ZNF347: variants seen among roughly 807,000 people sequenced by gnomAD.
ZNF347 encodes zinc finger protein 347, also known as CTD-2620I22.7.
In ZNF347, 19 loss-of-function variants were observed where a neutral mutation model predicts 12.9. That is an observed-to-expected ratio of 1.47 (90% CI 1.03 to 2.16). The LOEUF is 2.16. Ranked by LOEUF, ZNF347 falls within the 30% of genes most tolerant of loss-of-function variation. The probability of loss-of-function intolerance (pLI) is 0.00; values close to 1 mark genes in which losing one functional copy is unlikely to be tolerated. For synonymous variants in ZNF347, 328 were observed against 340.6 expected (o/e 0.96, Z 0.41); for missense variants, 1,005 against 990.6 (o/e 1.01, Z -0.19).
In ZNF347 at chr19:53,136,077, A is replaced by C. The variant is rs1020564624; in HGVS notation, c.*4231T>G. On this transcript the variant is annotated 3_prime_UTR_variant, in exon 5 of 5. Transcript: ENST00000334197. ...TAATATCTTGGGGACTCTCTTATTA[A>C]CTGTATTTTCATTTACTTCTCCAGA... The C allele has an allele frequency of 2.0e-4, 31 of 151,634 alleles. No individual in the cohort carries two copies. The highest frequency in any genetic ancestry group is 1.5e-4 in the Non-Finnish European group (10 of 67,970). The allele number at this position is 151,634 out of a possible 1,614,324, so 9.4% of individuals were successfully genotyped here.
At chr19:53,144,360 T>G (rs1599854473) in intron 4 of ZNF347, among the ~76,000 whole-genome samples, 1 of 152,174 alleles carries the variant, frequency 6.6e-6, no homozygotes, top group East Asian at 1.9e-4. Context: ...TTTAAGTCAA[T>G]AAGTGTAAAA....
At chr19:53,155,377 G>A (rs2146816148) in intron 1 of ZNF347, among the ~76,000 whole-genome samples, 1 of 151,490 alleles carries the variant, frequency 6.6e-6, no homozygotes, top group African/African-American at 2.4e-5. Flanking sequence ...CTGTTGCCCA[G>A]GCTAGAGTGT....
At chr19:53,158,154 C>T (rs2090547348) in intron 1 of ZNF347, among the ~76,000 whole-genome samples, 2 of 152,194 alleles carry the variant, frequency 1.3e-5, no homozygotes, top group African/African-American at 2.4e-5. Context: ...CAGGCAAGAA[C>T]ACCGGGTGTC....
At position 53,141,825 on chromosome 19, in the gene ZNF347, G is replaced by T; in HGVS notation, c.1003C>A (p.His335Asn). 2 of 1,614,044 alleles carry T rather than the reference G, an allele frequency of 1.2e-6. No individual in the cohort carries two copies. Among genetic ancestry groups the T allele is most frequent in the Non-Finnish European group, 1.7e-6 (2 of 1,180,008 alleles). Residue 335 changes from histidine to asparagine, a missense_variant, in exon 5 of 5, where the codon CAT becomes AAT. His to Asn is a moderately conservative substitution (Grantham distance 68, BLOSUM62 1). Transcript: ENST00000334197. ...VFSRNSQLSQ[H>N]QKIHTGEKPY... ...TTCTCTCCAGTGTGAATTTTCTGAT[G>T]TTGTGAGAGTTGTGAATTTCGACTA... is the stretch of plus-strand genomic sequence containing the variant.
intron 3 of ZNF347, 73 bp from the exon 4 acceptor site, chr19:53,148,882 G>C: frequency 1.3e-6 from 2 of 1,543,522 alleles, no homozygotes; most frequent in Non-Finnish European, 1.7e-6. Context: ...TACATGAGGA[G>C]GGAGGACTTT....
chr19:53,149,968 G>C (rs940183519), intron 2 of ZNF347, among the ~76,000 whole-genome samples: 9 of 152,208 alleles, frequency 5.9e-5, no homozygotes, highest in African/African-American at 2.2e-4. Flanking sequence ...CTGTTCATCT[G>C]TATACTCTGT....
Position 53,148,670 on chromosome 19 carries a change from T to C in ZNF347, c.271+11A>G. ...ATAAACGGCATTTTCTCTACCCATC[T>C]GAACTCTTACCTGTGATCACAGCTT... is the stretch of plus-strand genomic sequence containing the variant. On this transcript the variant is annotated intron_variant, in intron 4 of 4. Coordinates refer to ENST00000334197, the MANE Select transcript of ZNF347 (RefSeq NM_032584.3). 6.2e-7 allele frequency: 1 copy of C among 1,610,210 alleles called. No individual in the cohort carries two copies. The highest frequency in any genetic ancestry group is 8.5e-7 in the Non-Finnish European group (1 of 1,178,104).
chr19:53,141,999 C>T lies in ZNF347; in HGVS notation c.829G>A (p.Ala277Thr). The change falls in exon 5 of 5, where the codon GCA (alanine) becomes ACA (threonine). Residue 277 changes from alanine to threonine, a missense_variant. Coordinates refer to ENST00000334197, the MANE Select transcript of ZNF347 (RefSeq NM_032584.3). ...TTAGTATGACTTCTCTGATGACTTG[C>T]AAGGTGTGAATTTTGAGGAAAGACC... ...GMVFPQNSHL[A>T]SHQRSHTKEK... 6.2e-7 allele frequency: 1 copy of T among 1,614,084 alleles called. No individual in the cohort carries two copies. The highest frequency in any genetic ancestry group is 2.2e-5 in the East Asian group (1 of 44,876).
chr19:53,156,049 G>GGGGGGGT (rs1555802217), intron 1 of ZNF347, among the ~76,000 whole-genome samples: 20 of 92,344 alleles, frequency 2.2e-4, no homozygotes, highest in African/African-American at 6.7e-4. Flanking sequence ...CCAGCTCGGG[G>GGGGGGGT]GGGGGGGGGG....
Position 53,148,741 on chromosome 19 carries a change from TCTCCAAAGTGAAAGG to T in ZNF347, c.196_210del (p.Pro66_Glu70del), listed in dbSNP as rs759818147. ...GGGTTTCCTGCTATTTGTACTTGGC[TCTCCAAAGTGAAAGG>T]CTCCTTCCCTTGCTCCAACATAGAG... On this transcript the variant is annotated inframe_deletion, in exon 4 of 5. Coordinates refer to ENST00000334197, the MANE Select transcript of ZNF347 (RefSeq NM_032584.3). 8.6e-5 allele frequency: 139 copies of T among 1,613,912 alleles called. No homozygotes were observed. The highest frequency in any genetic ancestry group is 1.2e-4 in the Non-Finnish European group (137 of 1,179,960).
At chr19:53,157,578 G>C (rs955771974) in intron 1 of ZNF347, among the ~76,000 whole-genome samples, 1 of 151,704 alleles carries the variant, frequency 6.6e-6, no homozygotes, top group Admixed American at 6.6e-5. Flanking sequence ...TCTTTTCATT[G>C]TCCCCAGTCT....
intron 4 of ZNF347, among the ~76,000 whole-genome samples, chr19:53,146,800 C>G (rs2146805636): frequency 6.6e-6 from 1 of 151,848 alleles, no homozygotes; most frequent in Non-Finnish European, 1.5e-5. Flanking sequence ...ACACATACAA[C>G]CTATCAAGAT....
At chr19:53,155,396 GA>G (rs976715777) in intron 1 of ZNF347, among the ~76,000 whole-genome samples, 1 of 151,776 alleles carries the variant, frequency 6.6e-6, no homozygotes, top group African/African-American at 2.4e-5. Flanking sequence ...GTGACAGCAT[GA>G]ACATGGCTTA....
chr19:53,154,648 G>A (rs1440856511), intron 1 of ZNF347, among the ~76,000 whole-genome samples: 1 of 152,124 alleles, frequency 6.6e-6, no homozygotes, highest in Non-Finnish European at 1.5e-5. Context: ...TGTCCTAAAA[G>A]CCAAGAAAAT....
At chr19:53,142,746 T>TAAAGA (rs549790053) in intron 4 of ZNF347, among the ~76,000 whole-genome samples, 190 bp from the exon 5 acceptor site, 170 of 152,344 alleles carry the variant, frequency 1.1e-3, no homozygotes, top group African/African-American at 3.8e-3. Context: ...GATTGTTTAA[T>TAAAGA]AAAGTTGATT....
In ZNF347 at chr19:53,136,895, CTT is replaced by C. The variant is rs967840527; in HGVS notation, c.*3411_*3412del. On this transcript the variant is annotated 3_prime_UTR_variant, in exon 5 of 5. Coordinates refer to ENST00000334197, the MANE Select transcript of ZNF347 (RefSeq NM_032584.3). ...TCCCTAACAAAGAAGTTAGAAATTT[CTT>C]TTGTTTTTTTGAGAGTCTCACTCTA... 32 of 152,040 alleles carry C rather than the reference CTT, an allele frequency of 2.1e-4. No individual in the cohort carries two copies. Among genetic ancestry groups the C allele is most frequent in the African/African-American group, 7.5e-4 (31 of 41,382 alleles). 9.4% of individuals were successfully genotyped at this position (152,040 alleles called of 1,614,324 possible). A position where few individuals can be genotyped will look rare whatever the true frequency, so the allele number is the denominator to read the frequency against.
chr19:53,148,639 T>A (rs1197578803), intron 4 of ZNF347, 42 bp downstream of exon 4: 1 of 1,588,270 alleles, frequency 6.3e-7, no homozygotes, highest in Non-Finnish European at 8.6e-7. Context: ...TCCCAAACAC[T>A]ATTTAATAAA....
chr19:53,140,407 G>A lies in ZNF347; in HGVS notation c.2421C>T (p.Thr807=), dbSNP rs2090413355. ...TCCCACCAGTATGGATTGTCTGATG[G>A]GTAGTTAGGCTTGAACAGATACTAA... ...KPFSICSSLT[T]HQTIHTGGKP... Residue 807 remains threonine, a synonymous_variant, in exon 5 of 5, where the codon ACC becomes ACT. Coordinates refer to ENST00000334197, the MANE Select transcript of ZNF347 (RefSeq NM_032584.3). The A allele has an allele frequency of 6.2e-7, 1 of 1,613,584 alleles. No individual in the cohort carries two copies. The highest frequency in any genetic ancestry group is 1.1e-5 in the South Asian group (1 of 91,052).
Position 53,151,948 on chromosome 19 carries a change from C to T in ZNF347, c.15+1785G>A, listed in dbSNP as rs144096672. 5.1e-3 allele frequency among the ~76,000 whole-genome samples: 780 copies of T among 151,836 alleles called. 7 individuals are homozygous for T. Among genetic ancestry groups the T allele is most frequent in the Middle Eastern group, 0.014 (4 of 294 alleles). On this transcript the variant is annotated intron_variant, in intron 2 of 4. Coordinates refer to ENST00000334197, the MANE Select transcript of ZNF347 (RefSeq NM_032584.3). ...TCTCTACTAAAAATACAGAAATTAG[C>T]CGGGTGTGGTGGTGGACATCTGTAA...
Sources: gnomAD v4.1 joint callset for allele counts (sites outside exome capture counted in the v4.1 genomes callset) on GRCh38, gnomAD v4.1.1 for gene constraint, MANE v1.5 for transcripts, NCBI Gene and HGNC (gene_info 2026-07-23, HGNC 2026-07-21) for gene names.